The following ITCH variants were observed in gnomAD, a reference collection of about 807,000 sequenced individuals.
The protein encoded by ITCH is itchy E3 ubiquitin protein ligase.
A neutral mutation model predicts 126.8 loss-of-function variants in ITCH; 28 were observed. The observed-to-expected ratio is 0.22, with a 90% CI of 0.16 to 0.30. The LOEUF (loss-of-function observed/expected upper bound fraction) is 0.30. Among genes scored for constraint, ITCH ranks in the 10% least tolerant of loss-of-function variants. ITCH has a pLI of 1.00. For missense variants in ITCH, 631 were observed against 1,032.4 expected (o/e 0.61, Z 5.33); for synonymous variants, 342 against 340.0 (o/e 1.01, Z -0.06).
intron 2 of ITCH, among the ~76,000 whole-genome samples, chr20:34,381,344 G>A (rs931320757): frequency 6.6e-5 from 10 of 151,676 alleles, no homozygotes; most frequent in Non-Finnish European, 1.5e-4. Context: ...GTGTGGTGGC[G>A]CAATCTCAGC....
intron 24 of ITCH, among the ~76,000 whole-genome samples, chr20:34,507,184 C>T (rs572257848): frequency 2.3e-4 from 35 of 150,556 alleles, no homozygotes; most frequent in African/African-American, 7.6e-4. Flanking sequence ...GACTACACTG[C>T]GTTATATTCC....
intron 20 of ITCH, among the ~76,000 whole-genome samples, chr20:34,488,528 A>G (rs2144717): frequency 0.44 from 67,093 of 151,774 alleles, 15,471 homozygotes; most frequent in Non-Finnish European, 0.5. Flanking sequence ...CCTGGCCAAC[A>G]TGATGAAACC....
chr20:34,501,892 TATGA>T (rs1990271152), intron 23 of ITCH, among the ~76,000 whole-genome samples: 2 of 151,566 alleles, frequency 1.3e-5, no homozygotes, highest in Admixed American at 1.3e-4. Context: ...CTAAATAAAG[TATGA>T]ATAATACACC....
chr20:34,478,009 A>G (rs1988392204), intron 17 of ITCH, 149 bp downstream of exon 17: 1 of 1,023,918 alleles, frequency 9.8e-7, no homozygotes. Context: ...TAGCTACAGA[A>G]TTTCAAAAAA....
intron 24 of ITCH, among the ~76,000 whole-genome samples, chr20:34,505,296 G>A (rs1399398418): frequency 6.6e-6 from 1 of 152,014 alleles, no homozygotes; most frequent in Non-Finnish European, 1.5e-5. Context: ...CACCCACCTC[G>A]GCCTCCCAAA....
chr20:34,371,823 T>C (rs1471416404), intron 2 of ITCH, among the ~76,000 whole-genome samples: 1 of 152,196 alleles, frequency 6.6e-6, no homozygotes, highest in African/African-American at 2.4e-5. Flanking sequence ...ACTTAAATTC[T>C]GTGATCTTGG....
intron 7 of ITCH, among the ~76,000 whole-genome samples, chr20:34,433,677 A>G (rs1982630861): frequency 6.6e-6 from 1 of 151,680 alleles, no homozygotes; most frequent in Admixed American, 6.6e-5. Flanking sequence ...AAAAAACCCA[A>G]AAAGACCAAT....
intron 2 of ITCH, among the ~76,000 whole-genome samples, chr20:34,382,351 A>G (rs959521134): frequency 6.6e-6 from 1 of 152,228 alleles, no homozygotes; most frequent in Non-Finnish European, 1.5e-5. Context: ...TTTTGTTAAT[A>G]AAGTGCATAT....
intron 7 of ITCH, among the ~76,000 whole-genome samples, chr20:34,432,343 A>G (rs1460646977): frequency 1.3e-5 from 2 of 152,176 alleles, no homozygotes. Flanking sequence ...GTATTATCAA[A>G]AGCAAAGGAA....
At chr20:34,461,763 T>C (rs968538573) in intron 13 of ITCH, among the ~76,000 whole-genome samples, 1 of 127,222 alleles carries the variant, frequency 7.9e-6, no homozygotes, top group Non-Finnish European at 1.7e-5. Flanking sequence ...AGAGAAAGGA[T>C]GGTGTTGGGG....
chr20:34,436,434 A>C (rs371392743), intron 7 of ITCH, among the ~76,000 whole-genome samples: 16 of 152,220 alleles, frequency 1.1e-4, no homozygotes, highest in African/African-American at 3.4e-4. Context: ...GGAACGTCTT[A>C]AAATAGCATG....
At position 34,503,752 on chromosome 20, in the gene ITCH, T is replaced by A. The variant is rs1236021116; in HGVS notation, c.2417-579T>A. On this transcript the variant is annotated intron_variant, in intron 23 of 24. Coordinates refer to ENST00000374864, the MANE Select transcript of ITCH (RefSeq NM_031483.7). ...TAACAAACTATAGTCTTCAAACTTT[T>A]ACACTTACCAGAATCACCCGGAAGC... Among the ~76,000 whole-genome samples the A allele has an allele frequency of 2.6e-5, 4 of 152,186 alleles. No homozygotes were observed. In the East Asian group the frequency reaches 7.7e-4, roughly 29 times the overall value.
chr20:34,410,447 C>T (rs1978853766), intron 4 of ITCH, among the ~76,000 whole-genome samples: 1 of 151,420 alleles, frequency 6.6e-6, no homozygotes, highest in African/African-American at 2.4e-5. Flanking sequence ...TGTTCCTCAT[C>T]TGTGTTTATT....
rs541621103 is a variant in ITCH, at chr20:34,422,801, T to G, written c.476-1679T>G. ...ACAGGCAACCACCACTAATCTGTAT[T>G]TTTTTTTTTTTGAGACGGAGTTTCA... is the stretch of plus-strand genomic sequence containing the variant. On this transcript the variant is annotated intron_variant, in intron 6 of 24. Coordinates refer to ENST00000374864, the MANE Select transcript of ITCH (RefSeq NM_031483.7). Among the ~76,000 whole-genome samples the G allele has an allele frequency of 6.7e-3, 1,002 of 148,610 alleles. 6 individuals carry two copies. Among genetic ancestry groups the G allele is most frequent in the Non-Finnish European group, 9.9e-3 (662 of 66,962 alleles).
At chr20:34,394,780 A>T (rs2038614443) in intron 3 of ITCH, among the ~76,000 whole-genome samples, 1 of 152,094 alleles carries the variant, frequency 6.6e-6, no homozygotes, top group South Asian at 2.1e-4. Context: ...GGGGAAAGGG[A>T]GATGGGGAAG....
intron 7 of ITCH, among the ~76,000 whole-genome samples, chr20:34,429,905 A>G (rs762852362): frequency 2.6e-5 from 4 of 152,322 alleles, no homozygotes; most frequent in Non-Finnish European, 4.4e-5. Flanking sequence ...CTGTATATGC[A>G]TGTCTTAGAG....
At chr20:34,454,263 G>A (rs943008910) in intron 12 of ITCH, among the ~76,000 whole-genome samples, 29 of 149,914 alleles carry the variant, frequency 1.9e-4, no homozygotes, top group African/African-American at 6.6e-4. Flanking sequence ...TCAGCCTCCC[G>A]AGTAGCTGGG....
intron 16 of ITCH, chr20:34,476,060 C>T (rs1008790880): frequency 1.6e-5 from 20 of 1,227,662 alleles, no homozygotes; most frequent in South Asian, 2.4e-5. Context: ...TATGCCAGAT[C>T]GAGCATGTGA....
intron 7 of ITCH, among the ~76,000 whole-genome samples, chr20:34,430,625 AC>A (rs1205522095): frequency 6.6e-6 from 1 of 152,096 alleles, no homozygotes; most frequent in Non-Finnish European, 1.5e-5. Flanking sequence ...TGCGTGCACC[AC>A]TAGACTTGGC....
Sources: allele counts gnomAD v4.1 joint callset (sites outside exome capture counted in the v4.1 genomes callset), GRCh38; gene constraint gnomAD v4.1.1; transcripts MANE v1.5; gene names NCBI Gene and HGNC (gene_info 2026-07-23, HGNC 2026-07-21).